The following PROX2 variants were observed in gnomAD, a reference collection of about 807,000 sequenced individuals.
PROX2 encodes the protein prospero homeobox 2.
A neutral mutation model predicts 48.9 loss-of-function variants in PROX2; 46 were observed. The ratio of observed to expected loss-of-function variants is 0.94; its 90% CI spans 0.74 to 1.20. The LOEUF (loss-of-function observed/expected upper bound fraction) is 1.20, where lower values mean the gene tolerates loss of function less well. PROX2 is among the 50% of genes most tolerant of loss of function. The pLI is 0.00. For synonymous variants in PROX2, 260 were observed against 276.6 expected (o/e 0.94, Z 0.60); for missense variants, 663 against 719.4 (o/e 0.92, Z 0.90).
At chr14:74,861,081 CTT>C (rs2091791545) in intron 3 of PROX2, 2 of 549,188 alleles carry the variant, frequency 3.6e-6, no homozygotes, top group African/African-American at 3.9e-5. Flanking sequence ...GTTTCCAACA[CTT>C]TTGACCGGCA....
At chr14:74,858,539 A>G in intron 3 of PROX2, 25 bp from the exon 4 acceptor site, 1 of 1,275,810 alleles carries the variant, frequency 7.8e-7, no homozygotes. Flanking sequence ...AGGAAAATGA[A>G]CACTTTAAAA....
rs540169679 is a variant in PROX2, at chr14:74,869,348, G to A, written c.-175+1755C>T. On this transcript the variant is annotated intron_variant, in intron 2 of 5. Coordinates refer to ENST00000556489, the MANE Select transcript of PROX2 (RefSeq NM_001243007.2). ...GGCTGAAGTGCAGTGGCGTGATCTC[G>A]GCTCACTGCAACCTCTGCCTCCCAC... Among the ~76,000 whole-genome samples the A allele has an allele frequency of 1.9e-4, 29 of 151,294 alleles. No individual in the cohort carries two copies. In the South Asian group the frequency reaches 2.7e-3, roughly 14 times the overall value.
chr14:74,871,875 T>A (rs1883224156), intron 1 of PROX2: 2 of 152,334 alleles, frequency 1.3e-5, no homozygotes, highest in African/African-American at 4.8e-5. Context: ...GAACAGCCAG[T>A]GTCTGTGGCA....
intron 5 of PROX2, chr14:74,855,633 C>T (rs1370664371): frequency 2.1e-5 from 4 of 194,640 alleles, no homozygotes; most frequent in Non-Finnish European, 4.1e-5. Flanking sequence ...AAAGAGACTT[C>T]GGTATTCTTT....
chr14:74,855,298 G>A lies in PROX2; in HGVS notation c.1613C>T (p.Pro538Leu), dbSNP rs767440296. Residue 538 changes from proline to leucine, a missense_variant, in exon 6 of 6, where the codon CCA becomes CTA. Pro to Leu is a moderately conservative substitution (Grantham distance 98). Transcript: ENST00000556489. ...HYNKGNDFEV[P>L]DCFLEIASLT... ...GCTGGCAATTTCCAAGAAGCAATCT[G>A]GAACCTGCATTTCCAAAGAGACCCA... 1.4e-5 allele frequency: 22 copies of A among 1,547,580 alleles called. No homozygotes were observed. In the Middle Eastern group the frequency reaches 8.9e-4, roughly 62 times the overall value.
intron 2 of PROX2, among the ~76,000 whole-genome samples, chr14:74,864,676 T>C (rs971429054): frequency 6.6e-6 from 1 of 151,956 alleles, no homozygotes; most frequent in African/African-American, 2.4e-5. Context: ...ACCCTGTCTC[T>C]ACCAAAAGTA....
At chr14:74,860,099 C>T (rs775550012) in intron 3 of PROX2, among the ~76,000 whole-genome samples, 14 of 152,198 alleles carry the variant, frequency 9.2e-5, no homozygotes, top group Non-Finnish European at 1.6e-4. Flanking sequence ...CTCTGCTTCT[C>T]GGATACCCGA....
intron 2 of PROX2, among the ~76,000 whole-genome samples, chr14:74,870,424 C>CA (rs555317797): frequency 0.25 from 11,968 of 48,656 alleles, 1,043 homozygotes; most frequent in African/African-American, 0.36. Flanking sequence ...AAGCCTGCCT[C>CA]AAAAAAAAAA....
intron 5 of PROX2, chr14:74,856,249 CCT>C (rs1210722183): frequency 6.5e-6 from 1 of 153,226 alleles, no homozygotes; most frequent in African/African-American, 2.4e-5. Context: ...TGACGCTTTA[CCT>C]CTGAGGTGCC....
In PROX2 at chr14:74,863,068, A is replaced by C. The variant is rs753221856; in HGVS notation, c.767T>G (p.Leu256Arg). The C allele has an allele frequency of 8.7e-6, 14 of 1,613,834 alleles. 1 individual carries two copies. In the Admixed American group the frequency reaches 2.2e-4, roughly 25 times the overall value. The change falls in exon 3 of 6, where the codon CTG becomes CGG. Residue 256 changes from leucine (L) to arginine (R), a missense_variant. Coordinates refer to ENST00000556489, the MANE Select transcript of PROX2 (RefSeq NM_001243007.2). ...CACCTGCCCCTGGAAGCTTCTGCCC[A>C]GCTGAGTCAGGTGGCCTGGTGGATC... ...LLDPPGHLTQ[L>R]GRSFQGQVAE... is the part of the protein sequence containing the mutation.
At position 74,856,911 on chromosome 14, in the gene PROX2, G is replaced by A. The variant is rs377349470; in HGVS notation, c.1498C>T (p.Arg500Trp). The A allele has an allele frequency of 1.9e-5, 30 of 1,613,798 alleles. No individual in the cohort carries two copies. Among genetic ancestry groups the A allele is most frequent in the African/African-American group, 4.0e-5 (3 of 74,912 alleles). The part of the protein sequence containing the change: ...FYYIQMEKSA[R>W]QAISDGVTNP... ...GTGACACCATCTGAAATTGCTTGCCGGGCAGATTTTTCCATTTGGATGTAA... is the reference window on the plus strand; with the variant it reads ...GTGACACCATCTGAAATTGCTTGCCAGGCAGATTTTTCCATTTGGATGTAA... Residue 500 changes from arginine to tryptophan, a missense_variant, in exon 5 of 6, where the codon CGG becomes TGG. Transcript: ENST00000556489.
intron 3 of PROX2, chr14:74,858,841 ATTGTGTGTG>A (rs2091771243): frequency 7.5e-6 from 1 of 133,868 alleles, no homozygotes; most frequent in Non-Finnish European, 1.3e-5. Context: ...AGGTTGGTGT[ATTGTGTGTG>A]TGTGTGTGTG....
intron 4 of PROX2, 86 bp from the exon 5 acceptor site, chr14:74,857,081 G>GC: frequency 7.4e-6 from 8 of 1,084,652 alleles, no homozygotes; most frequent in Admixed American, 2.0e-5. Flanking sequence ...CAGTATAGGG[G>GC]TTCATATACG....
intron 3 of PROX2, among the ~76,000 whole-genome samples, chr14:74,861,864 T>C (rs1256618053): frequency 6.6e-6 from 1 of 152,224 alleles, no homozygotes. Context: ...GGGGAGGCCA[T>C]ACCTTAGATG....
chr14:74,863,105 T>C lies in PROX2; in HGVS notation c.730A>G (p.Lys244Glu). The C allele has an allele frequency of 6.2e-7, 1 of 1,613,976 alleles. No individual in the cohort carries two copies. Among genetic ancestry groups the C allele is most frequent in the Non-Finnish European group, 8.5e-7 (1 of 1,179,874 alleles). The stretch of plus-strand genomic sequence containing the variant: ...TGGCCTGGTGGATCCAATAGTACCT[T>C]TTGTAATACCGAGTCCACAGCCTGG... ...VSQAVDSVLQ[K>E]VLLDPPGHLT... Residue 244 changes from lysine to glutamate, a missense_variant, in exon 3 of 6, where the codon AAG becomes GAG. By Grantham distance (56) the Lys-to-Glu change is moderately conservative. Transcript: ENST00000556489.
chr14:74,868,336 TATATA>T lies in PROX2; in HGVS notation c.-175+2762_-175+2766del, dbSNP rs1566782530. 8.4e-5 allele frequency among the ~76,000 whole-genome samples: 11 copies of T among 130,498 alleles called. 1 individual carries two copies. The highest frequency in any genetic ancestry group is 7.1e-4 in the South Asian group (3 of 4,202). 85.6% of individuals were successfully genotyped at this position (130,498 alleles called of 152,430 possible). On this transcript the variant is annotated intron_variant, in intron 2 of 5. Transcript: ENST00000556489. ...AATTATATATATATATATATATATA[TATATA>T]TATATATATATATATATATAAACAA...
At chr14:74,875,213 A>G (rs929402747) in intron 1 of PROX2, among the ~76,000 whole-genome samples, 2 of 152,372 alleles carry the variant, frequency 1.3e-5, no homozygotes, top group East Asian at 1.9e-4. Flanking sequence ...AAAGGGGGAA[A>G]TGCATAATAT....
chr14:74,858,811 G>T (rs1292198400), intron 3 of PROX2: 1 of 164,574 alleles, frequency 6.1e-6, no homozygotes, highest in East Asian at 1.4e-4. Flanking sequence ...TGTGTGTGTG[G>T]TGTCTTAGAT....
chr14:74,859,582 C>T (rs989850782), intron 3 of PROX2: 1 of 152,000 alleles, frequency 6.6e-6, no homozygotes, highest in Non-Finnish European at 1.5e-5. Flanking sequence ...TAGGGCAGGA[C>T]GGAAATGAAA....
Sources: allele counts gnomAD v4.1 joint callset (sites outside exome capture counted in the v4.1 genomes callset), GRCh38; gene constraint gnomAD v4.1.1; transcripts MANE v1.5; gene names NCBI Gene and HGNC (gene_info 2026-07-23, HGNC 2026-07-21).